Variants in KCNB2 observed in about 807,000 individuals in gnomAD.
KCNB2 encodes the protein delayed rectifier potassium channel protein.
In KCNB2, 15 loss-of-function variants were observed where a neutral mutation model predicts 61.5. That is an observed-to-expected ratio of 0.24 (90% CI 0.16 to 0.38). KCNB2 has a LOEUF of 0.38. KCNB2 is among the 10% of genes least tolerant of loss of function. The probability of loss-of-function intolerance (pLI) is 1.00; values close to 1 mark genes in which losing one functional copy is unlikely to be tolerated. For missense variants in KCNB2, 828 were observed against 1,125.2 expected (o/e 0.74, Z 3.78); for synonymous variants, 457 against 446.0 (o/e 1.02, Z -0.31).
intron 2 of KCNB2, among the ~76,000 whole-genome samples, chr8:72,680,350 G>A (rs1312045400): frequency 2.6e-5 from 4 of 152,156 alleles, no homozygotes; most frequent in African/African-American, 9.7e-5. Context: ...TATGTACATG[G>A]GGCAATGCAC....
intron 2 of KCNB2, among the ~76,000 whole-genome samples, chr8:72,928,200 T>C (rs1806694645): frequency 1.3e-5 from 2 of 150,840 alleles, no homozygotes; most frequent in Admixed American, 6.6e-5. Context: ...TCTTTTTTTT[T>C]TTTTTTTTTT....
intron 2 of KCNB2, among the ~76,000 whole-genome samples, chr8:72,847,020 A>G (rs763919133): frequency 5.9e-5 from 9 of 152,220 alleles, no homozygotes; most frequent in African/African-American, 9.6e-5. Flanking sequence ...ATGTCCATCA[A>G]TGATAGACTG....
chr8:72,868,601 C>G (rs984062956), intron 2 of KCNB2, among the ~76,000 whole-genome samples: 14 of 151,472 alleles, frequency 9.2e-5, no homozygotes, highest in African/African-American at 3.4e-4. Context: ...CAAAAAAAAC[C>G]CCAAAACAAA....
chr8:72,566,002 T>C (rs1043417796), intron 1 of KCNB2, among the ~76,000 whole-genome samples: 1 of 152,192 alleles, frequency 6.6e-6, no homozygotes, highest in East Asian at 1.9e-4. Context: ...GGGAATATTA[T>C]GGAGAGCTTT....
intron 2 of KCNB2, among the ~76,000 whole-genome samples, chr8:72,694,759 G>A (rs1384930505): frequency 2.0e-5 from 3 of 151,706 alleles, no homozygotes; most frequent in Admixed American, 6.6e-5. Flanking sequence ...AAGTTTTAGA[G>A]CATCTGTATG....
intron 2 of KCNB2, among the ~76,000 whole-genome samples, chr8:72,827,399 G>T (rs562332169): frequency 6.6e-6 from 1 of 152,014 alleles, no homozygotes; most frequent in African/African-American, 2.4e-5. Context: ...CTCTGCCATG[G>T]TGAAAAATTC....
rs1325232096 is a variant in KCNB2 at position 72,681,316 on chromosome 8, T to TC, written c.579+113004dup. Among the ~76,000 whole-genome samples the TC allele has an allele frequency of 2.0e-5, 3 of 152,292 alleles. No homozygotes were observed. The East Asian group carries it at 5.8e-4, about 29-fold the overall frequency. ...GGCAACAAAAAAAGACAGCTTTTTT[T>TC]CTCTTGGAAGCTGATAAATTAAAAA... On this transcript the variant is annotated intron_variant, in intron 2 of 2. Coordinates refer to ENST00000523207, the MANE Select transcript of KCNB2 (RefSeq NM_004770.3).
chr8:72,720,210 C>A (rs1378593394), intron 2 of KCNB2, among the ~76,000 whole-genome samples: 1 of 152,108 alleles, frequency 6.6e-6, no homozygotes, highest in African/African-American at 2.4e-5. Flanking sequence ...TATCTTGGTG[C>A]TTGGAAGGAG....
chr8:72,732,535 C>G lies in KCNB2; in HGVS notation c.579+164222C>G, dbSNP rs188397907. Among the ~76,000 whole-genome samples the G allele has an allele frequency of 1.1e-3, 163 of 152,238 alleles. 1 individual carries two copies. The highest frequency in any genetic ancestry group is 3.7e-3 in the African/African-American group (155 of 41,542). On this transcript the variant is annotated intron_variant, in intron 2 of 2. Coordinates refer to ENST00000523207, the MANE Select transcript of KCNB2 (RefSeq NM_004770.3). ...ACAGAATTGAGATATTAGTTGATAG[C>G]TAGATTTGTTTTTCAAAGGATTTTT...
intron 2 of KCNB2, among the ~76,000 whole-genome samples, chr8:72,844,075 TG>T (rs1488662691): frequency 1.3e-5 from 2 of 152,228 alleles, no homozygotes; most frequent in Non-Finnish European, 2.9e-5. Flanking sequence ...TGGCTGGTAC[TG>T]GTTTTTCCTT....
intron 2 of KCNB2, among the ~76,000 whole-genome samples, chr8:72,811,155 C>CT (rs34236600): frequency 0.033 from 4,582 of 140,154 alleles, 141 homozygotes; most frequent in African/African-American, 0.08. Context: ...GAAGGGATTT[C>CT]TTTTTTTTTT....
At chr8:72,787,607 CTT>C (rs1808864496) in intron 2 of KCNB2, among the ~76,000 whole-genome samples, 1 of 151,834 alleles carries the variant, frequency 6.6e-6, no homozygotes, top group South Asian at 2.1e-4. Context: ...TTTAAGGACT[CTT>C]TTCACTTTGA....
chr8:72,841,085 G>T (rs1025415308), intron 2 of KCNB2, among the ~76,000 whole-genome samples: 1 of 152,124 alleles, frequency 6.6e-6, no homozygotes, highest in Non-Finnish European at 1.5e-5. Flanking sequence ...TTTGTATAAG[G>T]TGTAAGGAAA....
chr8:72,704,500 GGTGTGTGTGTGTGT>G (rs10524175), intron 2 of KCNB2, among the ~76,000 whole-genome samples: 120 of 147,646 alleles, frequency 8.1e-4, no homozygotes, highest in East Asian at 3.9e-3. Flanking sequence ...AGAGAAAGCT[GGTGTGTGTGTGTGT>G]GTGTGTGTGT....
At chr8:72,760,868 C>A (rs543973366) in intron 2 of KCNB2, among the ~76,000 whole-genome samples, 41 of 152,152 alleles carry the variant, frequency 2.7e-4, no homozygotes, top group Non-Finnish European at 4.9e-4. Flanking sequence ...ATTATTTCTA[C>A]TGTCAGACCA....
intron 2 of KCNB2, among the ~76,000 whole-genome samples, chr8:72,778,252 T>A (rs1808690135): frequency 6.6e-6 from 1 of 151,998 alleles, no homozygotes; most frequent in East Asian, 1.9e-4. Context: ...CACACAGAGG[T>A]ATTATTGTTT....
intron 1 of KCNB2, among the ~76,000 whole-genome samples, chr8:72,558,061 A>G (rs901389031): frequency 6.6e-6 from 1 of 152,252 alleles, no homozygotes; most frequent in African/African-American, 2.4e-5. Flanking sequence ...GGGGTAGTCC[A>G]CAACATGTGT....
chr8:72,666,418 G>C (rs2128987771), intron 2 of KCNB2, among the ~76,000 whole-genome samples: 1 of 152,162 alleles, frequency 6.6e-6, no homozygotes, highest in South Asian at 2.1e-4. Context: ...AACTTTAGGA[G>C]AATAATAATG....
intron 2 of KCNB2, among the ~76,000 whole-genome samples, chr8:72,675,516 C>T (rs1250275162): frequency 2.3e-4 from 30 of 132,092 alleles, no homozygotes; most frequent in Admixed American, 2.0e-3. Context: ...AATCTGCAGT[C>T]GGATTTTTTT....
Sources: gnomAD v4.1 joint callset for allele counts (sites outside exome capture counted in the v4.1 genomes callset) on GRCh38, gnomAD v4.1.1 for gene constraint, MANE v1.5 for transcripts, NCBI Gene and HGNC (gene_info 2026-07-23, HGNC 2026-07-21) for gene names.